MED13L: variants seen among roughly 807,000 people sequenced by gnomAD.
The protein encoded by MED13L is mediator of RNA polymerase II transcription subunit 13-like.
A neutral mutation model predicts 220.9 loss-of-function variants in MED13L; 7 were observed. That is an observed-to-expected ratio of 0.03 (90% confidence interval 0.02 to 0.06). The LOEUF (loss-of-function observed/expected upper bound fraction) is 0.06. MED13L is among the 10% of genes least tolerant of loss of function. The pLI is 1.00. For synonymous variants in MED13L, 1,011 were observed against 1,015.2 expected, an observed-to-expected ratio of 1.00 and a Z score of 0.08; for missense variants, 1,965 against 2,760.5, an observed-to-expected ratio of 0.71 and a Z score of 6.46.
intron 1 of MED13L, among the ~76,000 whole-genome samples, chr12:116,241,498 CT>C (rs1870648371): frequency 6.6e-6 from 1 of 152,164 alleles, no homozygotes; most frequent in African/African-American, 2.4e-5. Flanking sequence ...CACTACAACA[CT>C]TTCACCTGTA....
intron 1 of MED13L, among the ~76,000 whole-genome samples, chr12:116,255,342 T>C (rs1036136529): frequency 1.1e-4 from 16 of 152,186 alleles, no homozygotes; most frequent in Admixed American, 3.3e-4. Flanking sequence ...AACCAGAACT[T>C]CAATCCTCAC....
chr12:116,205,798 T>G (rs1301794869), intron 2 of MED13L, among the ~76,000 whole-genome samples: 1 of 152,026 alleles, frequency 6.6e-6, no homozygotes, highest in African/African-American at 2.4e-5. Context: ...CAGTTAACAC[T>G]TCCCGCTCTG....
intron 1 of MED13L, among the ~76,000 whole-genome samples, chr12:116,258,392 CA>C (rs1872227349): frequency 6.6e-6 from 1 of 151,980 alleles, no homozygotes; most frequent in Non-Finnish European, 1.5e-5. Context: ...GCACTCTTTA[CA>C]AACAGCAAAA....
At chr12:116,111,021 T>C (rs977161727) in intron 3 of MED13L, among the ~76,000 whole-genome samples, 8 of 152,196 alleles carry the variant, frequency 5.3e-5, no homozygotes, top group African/African-American at 1.9e-4. Flanking sequence ...GACATCTGAA[T>C]TGAACTACGG....
At chr12:116,276,381 A>G (rs1384890923) in intron 1 of MED13L, 2 of 1,219,934 alleles carry the variant, frequency 1.6e-6, no homozygotes, top group Non-Finnish European at 2.2e-6. Flanking sequence ...AGAGAAAAAC[A>G]GTTTTTAAAA....
chr12:116,173,985 T>C (rs1167163836), intron 2 of MED13L, among the ~76,000 whole-genome samples: 1 of 152,148 alleles, frequency 6.6e-6, no homozygotes, highest in Admixed American at 6.6e-5. Context: ...TCCCAACTAC[T>C]TGGGAGGCTG....
rs189408454 is a variant in MED13L, at chr12:116,123,172, T to C, written c.311-11660A>G. Among the ~76,000 whole-genome samples the C allele has an allele frequency of 2.3e-3, 352 of 152,330 alleles. 3 individuals carry two copies. The highest frequency in any genetic ancestry group is 8.2e-3 in the African/African-American group (340 of 41,572). ...ACAGTTATCTCTGCTAGAATAATGA[T>C]TGTTTTCTCCTTTACCTCTTTGAGT... On this transcript the variant is annotated intron_variant, in intron 2 of 30. Coordinates refer to ENST00000281928, the MANE Select transcript of MED13L (RefSeq NM_015335.5).
Position 116,263,605 on chromosome 12 carries a change from A to AT in MED13L, c.72+13454dup, listed in dbSNP as rs531763165. Among the ~76,000 whole-genome samples the AT allele has an allele frequency of 1.1e-4, 17 of 152,352 alleles. No individual in the cohort carries two copies. The East Asian group carries it at 1.7e-3, about 16-fold the overall frequency. ...TATCTTACTAGGCAGTCTCCAATGA[A>AT]TAAGGCAACACCAAGTGGTCAAAGG... On this transcript the variant is annotated intron_variant, in intron 1 of 30. Transcript: ENST00000281928.
intron 2 of MED13L, among the ~76,000 whole-genome samples, chr12:116,179,762 G>A (rs923822974): frequency 5.9e-5 from 9 of 151,868 alleles, no homozygotes; most frequent in Admixed American, 1.3e-4. Flanking sequence ...GAACTAAAGA[G>A]ATGAGGGCAA....
At chr12:116,242,888 A>T (rs1023281438) in intron 1 of MED13L, among the ~76,000 whole-genome samples, 9 of 152,204 alleles carry the variant, frequency 5.9e-5, no homozygotes, top group African/African-American at 1.7e-4. Context: ...GCAAATGGTA[A>T]AAATTAGCCC....
intron 4 of MED13L, among the ~76,000 whole-genome samples, chr12:116,029,479 ATAAT>A (rs1264290980): frequency 1.3e-5 from 2 of 152,162 alleles, no homozygotes; most frequent in South Asian, 2.1e-4. Flanking sequence ...AGTAGCTAAA[ATAAT>A]TAAAGTAAAC....
chr12:116,124,152 CAGAGACAGAG>C (rs1317898289), intron 2 of MED13L, among the ~76,000 whole-genome samples: 3,693 of 108,688 alleles, frequency 0.034, 90 homozygotes, highest in Middle Eastern at 0.063. Flanking sequence ...GAGAGAGAGA[CAGAGACAGAG>C]AGAGACAGAG....
At chr12:116,143,033 G>A (rs1295279594) in intron 2 of MED13L, among the ~76,000 whole-genome samples, 2 of 152,086 alleles carry the variant, frequency 1.3e-5, no homozygotes, top group Admixed American at 6.6e-5. Context: ...AGAATTACAG[G>A]TTTGCTCTCG....
chr12:116,042,053 AT>A (rs1376678328), intron 4 of MED13L, among the ~76,000 whole-genome samples: 2 of 152,210 alleles, frequency 1.3e-5, no homozygotes, highest in Admixed American at 6.5e-5. Context: ...TTTTAAAACT[AT>A]TGTTAGAATA....
chr12:116,208,161 G>A (rs561209779), intron 2 of MED13L, among the ~76,000 whole-genome samples: 5 of 152,302 alleles, frequency 3.3e-5, no homozygotes, highest in South Asian at 4.1e-4. Context: ...TTGGGAGGCC[G>A]AGACAGGAGG....
At chr12:116,031,759 A>AGAAAGAAGGAAGGAAGGAAGGAAGGAAG (rs1592967502) in intron 4 of MED13L, among the ~76,000 whole-genome samples, 3 of 40,986 alleles carry the variant, frequency 7.3e-5, no homozygotes, top group East Asian at 1.6e-3. Context: ...AGAAAAGAAA[A>AGAAAGAAGGAAGGAAGGAAGGAAGGAAG]GAAGGAAGGA....
chr12:116,183,683 T>C (rs1194402939), intron 2 of MED13L, among the ~76,000 whole-genome samples: 1 of 152,174 alleles, frequency 6.6e-6, no homozygotes, highest in Non-Finnish European at 1.5e-5. Flanking sequence ...AATATCTGTT[T>C]ATTTTTAAAA....
At chr12:116,080,727 C>T (rs2137733705) in intron 4 of MED13L, among the ~76,000 whole-genome samples, 1 of 152,292 alleles carries the variant, frequency 6.6e-6, no homozygotes, top group South Asian at 2.1e-4. Context: ...TGATTTCCAG[C>T]CTGATTCTTT....
At chr12:116,234,626 C>T (rs1373809276) in intron 2 of MED13L, among the ~76,000 whole-genome samples, 1 of 151,990 alleles carries the variant, frequency 6.6e-6, no homozygotes, top group Non-Finnish European at 1.5e-5. Context: ...TCATGCTTAA[C>T]ATTAAAGCCT....
Sources: allele counts gnomAD v4.1 joint callset (sites outside exome capture counted in the v4.1 genomes callset), GRCh38; gene constraint gnomAD v4.1.1; transcripts MANE v1.5; gene names NCBI Gene and HGNC (gene_info 2026-07-23, HGNC 2026-07-21).